The following QTGAL variants were observed in gnomAD, a reference collection of about 807,000 sequenced individuals.
The protein encoded by QTGAL is BGnT-like protein 1.
At chr17:82,992,965 T>C in the QTGAL span, among the ~76,000 whole-genome samples, 214 of 151,912 alleles carry the variant, frequency 1.4e-3, 1 homozygote, top group Middle Eastern at 0.01. Context: ...AAATATACAA[T>C]GAATACACAA....
At chr17:82,961,294 T>C in the QTGAL span, 51 of 1,438,000 alleles carry the variant, frequency 3.5e-5, no homozygotes, top group African/African-American at 6.2e-4. Context: ...GGAAAAGGCT[T>C]TTGTTGCAAA....
At chr17:82,972,889 A>ATAC in the QTGAL span, among the ~76,000 whole-genome samples, 1 of 143,922 alleles carries the variant, frequency 6.9e-6, no homozygotes, top group South Asian at 2.1e-4. Context: ...TGACCACACC[A>ATAC]CACCACAGGG....
chr17:82,984,881 C>G, the QTGAL span, among the ~76,000 whole-genome samples: 2 of 152,160 alleles, frequency 1.3e-5, no homozygotes, highest in African/African-American at 4.8e-5. Context: ...CAGGAGCATG[C>G]ATCTCAGCCC....
the QTGAL span, among the ~76,000 whole-genome samples, chr17:83,023,794 C>T: frequency 6.6e-6 from 1 of 152,184 alleles, no homozygotes; most frequent in Non-Finnish European, 1.5e-5. Flanking sequence ...CAGGGAAGAG[C>T]TGGAAGGGAA....
chr17:83,001,729 G>C, the QTGAL span, among the ~76,000 whole-genome samples: 1 of 151,730 alleles, frequency 6.6e-6, no homozygotes, highest in Non-Finnish European at 1.5e-5. Flanking sequence ...TATATTGCTT[G>C]ACTTTATGAA....
At chr17:83,039,210 C>G in the QTGAL span, among the ~76,000 whole-genome samples, 21,716 of 135,652 alleles carry the variant, frequency 0.16, 2,340 homozygotes, top group Non-Finnish European at 0.2. Flanking sequence ...CACTGCTGAG[C>G]GCCCGCCGCC....
At chr17:82,982,160 G>A in the QTGAL span, among the ~76,000 whole-genome samples, 28 of 146,146 alleles carry the variant, frequency 1.9e-4, 1 homozygote, top group African/African-American at 7.2e-4. Context: ...GGCCGAGCGG[G>A]TGGAGGAGCC....
At chr17:82,991,583 A>G in the QTGAL span, among the ~76,000 whole-genome samples, 1 of 152,218 alleles carries the variant, frequency 6.6e-6, no homozygotes, top group Non-Finnish European at 1.5e-5. Flanking sequence ...CTTTCCAAGA[A>G]GGACAGGTAC....
At chr17:83,041,081 A>AT in the QTGAL span, among the ~76,000 whole-genome samples, 1 of 151,496 alleles carries the variant, frequency 6.6e-6, no homozygotes, top group Non-Finnish European at 1.5e-5. Context: ...AAAAAAAAAA[A>AT]AATGGCTGAA....
At chr17:82,978,564 C>T in the QTGAL span, 2 of 152,160 alleles carry the variant, frequency 1.3e-5, no homozygotes, top group African/African-American at 4.8e-5. This position sits in a 1 kb window ranked among gnomAD's most constrained non-coding sequence, Gnocchi z 4.8. Context: ...GACCGTGAAC[C>T]CGGATGCAGG....
chr17:82,976,104 C>G, the QTGAL span, among the ~76,000 whole-genome samples: 11 of 27,426 alleles, frequency 4.0e-4, no homozygotes, highest in South Asian at 1.2e-3. Context: ...GGACAGAGCC[C>G]GACTCCATCC....
the QTGAL span, among the ~76,000 whole-genome samples, chr17:83,009,566 G>C: frequency 6.6e-6 from 1 of 152,246 alleles, no homozygotes. Flanking sequence ...GAAGGTCAGG[G>C]CTGCTGGGGC....
chr17:82,956,069 G>A, the QTGAL span, among the ~76,000 whole-genome samples: 3 of 152,172 alleles, frequency 2.0e-5, no homozygotes, highest in East Asian at 5.8e-4. The surrounding 1 kb of genome is among the most constrained non-coding windows in gnomAD (Gnocchi z 5.7). Context: ...AAACCTACAT[G>A]GCGGGTTGAT....
At chr17:83,024,293 G>A in the QTGAL span, among the ~76,000 whole-genome samples, 1 of 152,222 alleles carries the variant, frequency 6.6e-6, no homozygotes, top group Non-Finnish European at 1.5e-5. Flanking sequence ...GGTCCTCCAG[G>A]CGGGCAGGCC....
the QTGAL span, chr17:82,950,069 G>A: frequency 7.2e-5 from 11 of 152,126 alleles, no homozygotes; most frequent in Non-Finnish European, 1.3e-4. Flanking sequence ...GGCTTCACAC[G>A]GAATAACCTC....
chr17:82,963,891 C>A, the QTGAL span, among the ~76,000 whole-genome samples: 1 of 152,052 alleles, frequency 6.6e-6, no homozygotes, highest in Non-Finnish European at 1.5e-5. Context: ...AATTGTATGG[C>A]ATGTGAATTA....
the QTGAL span, chr17:83,007,045 G>A: frequency 2.5e-6 from 1 of 398,482 alleles, no homozygotes; most frequent in South Asian, 1.0e-4. Context: ...CAGGCTCCCT[G>A]AAGGCTGGCG....
chr17:82,961,381 C>T, the QTGAL span: 10 of 172,638 alleles, frequency 5.8e-5, no homozygotes, highest in Middle Eastern at 2.5e-3. Context: ...TCTCCACAGG[C>T]GGGAAAGAGG....
At chr17:82,985,002 C>G in the QTGAL span, among the ~76,000 whole-genome samples, 6,981 of 152,242 alleles carry the variant, frequency 0.046, 347 homozygotes, top group African/African-American at 0.12. Context: ...AGCCGGGTGG[C>G]GGTTCTGCCC....
Sources: gnomAD v4.1 joint callset for allele counts (sites outside exome capture counted in the v4.1 genomes callset) on GRCh38, gnomAD v4.1.1 for gene constraint, Gnocchi (gnomAD v3.1) non-coding constraint, MANE v1.5 for transcripts, NCBI Gene and HGNC (gene_info 2026-07-23, HGNC 2026-07-21) for gene names.